The following HMCN1 variants were observed in gnomAD, a reference collection of about 807,000 sequenced individuals.
HMCN1 encodes hemicentin 1.
HMCN1 carries 321 observed loss-of-function variants against 625.9 expected under a neutral mutation model. That is an observed-to-expected ratio of 0.51 (90% CI 0.47 to 0.56). HMCN1 has a LOEUF of 0.56. HMCN1 is among the 20% of genes least tolerant of loss of function. The pLI is 0.00. For synonymous variants in HMCN1, 2,425 were observed against 2,417.6 expected, an observed-to-expected ratio of 1.00 and a Z score of -0.09; for missense variants, 6,588 against 6,887.3, an observed-to-expected ratio of 0.96 and a Z score of 1.54.
chr1:186,051,575 G>A (rs1474999261), intron 42 of HMCN1, among the ~76,000 whole-genome samples: 2 of 152,050 alleles, frequency 1.3e-5, no homozygotes, highest in African/African-American at 4.8e-5. Flanking sequence ...TAAATTTATA[G>A]TAGTGGCAAT....
chr1:186,038,714 T>A, intron 37 of HMCN1, 115 bp from the exon 38 acceptor site: 1 of 706,170 alleles, frequency 1.4e-6, no homozygotes, highest in Non-Finnish European at 2.5e-6. Context: ...GTAAACAGAT[T>A]AAATTCAAAT....
intron 11 of HMCN1, among the ~76,000 whole-genome samples, chr1:185,951,831 T>G (rs1227347987): frequency 6.6e-6 from 1 of 151,824 alleles, no homozygotes; most frequent in African/African-American, 2.4e-5. Flanking sequence ...GAAGTTCTTG[T>G]GTGCTGGAGA....
chr1:186,143,693 T>A (rs992919162), intron 89 of HMCN1, among the ~76,000 whole-genome samples: 6 of 152,244 alleles, frequency 3.9e-5, no homozygotes, highest in Middle Eastern at 3.2e-3. Context: ...TGAAGCTGAA[T>A]CAGGCTTAAG....
chr1:186,048,597 A>G (rs1656731650), intron 41 of HMCN1, 146 bp from the exon 42 acceptor site: 2 of 647,360 alleles, frequency 3.1e-6, no homozygotes, highest in Admixed American at 2.3e-5. Flanking sequence ...TGATGGGTAT[A>G]TAGCCATTTA....
intron 11 of HMCN1, among the ~76,000 whole-genome samples, chr1:185,957,452 T>C (rs1649708861): frequency 6.6e-6 from 1 of 152,124 alleles, no homozygotes; most frequent in South Asian, 2.1e-4. Flanking sequence ...TTTATATATA[T>C]AGTAGGAGTT....
intron 25 of HMCN1, 60 bp downstream of exon 25, chr1:185,997,584 A>T (rs1173559265): frequency 2.6e-6 from 3 of 1,157,854 alleles, no homozygotes; most frequent in Non-Finnish European, 3.9e-6. Context: ...AGAATGCTAT[A>T]TTGAACCCAA....
intron 97 of HMCN1, among the ~76,000 whole-genome samples, chr1:186,158,617 G>T (rs1266067001): frequency 6.6e-6 from 1 of 152,098 alleles, no homozygotes; most frequent in Non-Finnish European, 1.5e-5. Context: ...TTTGTATAAG[G>T]TGTAAGGAAG....
At position 186,103,557 on chromosome 1, in the gene HMCN1, T is replaced by C. The variant is rs1660479313; in HGVS notation, c.10659T>C (p.Ser3553=). Residue 3553 remains serine (S), a synonymous_variant, in exon 69 of 107, where the codon TCT becomes TCC. Coordinates refer to ENST00000271588, the MANE Select transcript of HMCN1 (RefSeq NM_031935.3). ...NNPLELTCIA[S]GIPAPKMTWM... ...CACTTGAACTTACCTGCATTGCTTC[T>C]GGAATCCCAGCCCCTAAAATGACCT... 3 of 1,613,836 alleles carry C rather than the reference T, an allele frequency of 1.9e-6. No individual in the cohort carries two copies. Among genetic ancestry groups the C allele is most frequent in the African/African-American group, 2.7e-5 (2 of 74,936 alleles).
chr1:185,906,252 T>C (rs1666089428), intron 4 of HMCN1, among the ~76,000 whole-genome samples: 1 of 151,746 alleles, frequency 6.6e-6, no homozygotes, highest in South Asian at 2.1e-4. Flanking sequence ...ATACAACGAG[T>C]TGCATCTGTT....
At chr1:186,147,530 G>A (rs1437412540) in intron 93 of HMCN1, among the ~76,000 whole-genome samples, 1 of 151,744 alleles carries the variant, frequency 6.6e-6, no homozygotes. Context: ...AATTAAAATG[G>A]TAAAGTACTT....
At chr1:185,871,718 T>C (rs1005152652) in intron 4 of HMCN1, among the ~76,000 whole-genome samples, 1 of 152,050 alleles carries the variant, frequency 6.6e-6, no homozygotes, top group African/African-American at 2.4e-5. Context: ...CTTATTTCTC[T>C]TGCTAGTTTT....
chr1:186,009,311 G>T (rs930733750), intron 30 of HMCN1, among the ~76,000 whole-genome samples: 5 of 152,120 alleles, frequency 3.3e-5, no homozygotes, highest in African/African-American at 1.2e-4. Flanking sequence ...AGAAAAGAGG[G>T]CTCTATAATG....
intron 55 of HMCN1, among the ~76,000 whole-genome samples, chr1:186,078,606 A>G (rs1379206374): frequency 6.6e-6 from 1 of 152,228 alleles, no homozygotes; most frequent in African/African-American, 2.4e-5. Flanking sequence ...TTGGATAGCA[A>G]GGTGGCCTCT....
intron 1 of HMCN1, among the ~76,000 whole-genome samples, chr1:185,822,242 T>C (rs1660233981): frequency 6.6e-6 from 1 of 152,138 alleles, no homozygotes; most frequent in Non-Finnish European, 1.5e-5. Context: ...GGTTCATCAG[T>C]TGTAACAAAT....
chr1:186,005,663 C>G (rs1407752408), intron 29 of HMCN1, among the ~76,000 whole-genome samples: 1 of 151,884 alleles, frequency 6.6e-6, no homozygotes, highest in Non-Finnish European at 1.5e-5. Context: ...ACAAATCAGA[C>G]TGATAAAGAG....
intron 87 of HMCN1, 46 bp from the exon 88 acceptor site, chr1:186,137,452 G>A: frequency 6.3e-7 from 1 of 1,593,406 alleles, no homozygotes; most frequent in Non-Finnish European, 8.6e-7. Context: ...CCTTTACAAT[G>A]TTTTATTTGC....
At chr1:186,025,060 G>A (rs1160845694) in intron 36 of HMCN1, among the ~76,000 whole-genome samples, 1 of 152,170 alleles carries the variant, frequency 6.6e-6, no homozygotes, top group African/African-American at 2.4e-5. Flanking sequence ...GGTCCCATCT[G>A]GGGGTAACGG....
chr1:185,752,883 A>G (rs545361101), intron 1 of HMCN1, among the ~76,000 whole-genome samples: 3 of 152,272 alleles, frequency 2.0e-5, no homozygotes, highest in Non-Finnish European at 4.4e-5. Context: ...ACTACAAGAA[A>G]GAAAAATTAT....
intron 6 of HMCN1, among the ~76,000 whole-genome samples, chr1:185,918,979 A>G (rs1178325479): frequency 6.6e-6 from 1 of 152,028 alleles, no homozygotes; most frequent in Admixed American, 6.6e-5. Context: ...GCCATATTCT[A>G]ATTTTAATAT....
Sources: allele counts gnomAD v4.1 joint callset (sites outside exome capture counted in the v4.1 genomes callset), GRCh38; gene constraint gnomAD v4.1.1; transcripts MANE v1.5; gene names NCBI Gene and HGNC (gene_info 2026-07-23, HGNC 2026-07-21).